The following PKD1L3 variants were observed in gnomAD, a reference collection of about 807,000 sequenced individuals.
PKD1L3 encodes the protein polycystin-1-like protein 3.
In PKD1L3, 239 loss-of-function variants were observed where a neutral mutation model predicts 184.1. The observed-to-expected ratio is 1.30, with a 90% CI of 1.17 to 1.45. PKD1L3 has a LOEUF of 1.45. PKD1L3 is among the 40% of genes most tolerant of loss of function. PKD1L3 has a pLI of 0.00. For synonymous variants in PKD1L3, 996 were observed against 778.8 expected, an observed-to-expected ratio of 1.28 and a Z score of -4.64; for missense variants, 2,660 against 2,067.2, an observed-to-expected ratio of 1.29 and a Z score of -5.56.
chr16:71,981,929 G>T, intron 7 of PKD1L3, 130 bp downstream of exon 7: 1 of 1,017,798 alleles, frequency 9.8e-7, no homozygotes. Flanking sequence ...GCATGGCAGA[G>T]GAGTTTCTTC....
chr16:71,959,592 G>C (rs2039192294), intron 16 of PKD1L3, among the ~76,000 whole-genome samples: 1 of 152,158 alleles, frequency 6.6e-6, no homozygotes, highest in Non-Finnish European at 1.5e-5. Context: ...CATGGGAATT[G>C]GGAGAGAGGT....
chr16:71,972,244 C>A (rs1392502504), intron 12 of PKD1L3, among the ~76,000 whole-genome samples: 1 of 149,526 alleles, frequency 6.7e-6, no homozygotes, highest in African/African-American at 2.5e-5. Flanking sequence ...CAAAAAAAAA[C>A]AATAATTAGC....
chr16:71,929,709 A>T, intron 29 of PKD1L3, 31 bp from the exon 30 acceptor site: 1 of 1,502,498 alleles, frequency 6.7e-7, no homozygotes, highest in Non-Finnish European at 8.9e-7. Flanking sequence ...GAGAAAAGTG[A>T]GAAAATTGAA....
intron 16 of PKD1L3, among the ~76,000 whole-genome samples, chr16:71,959,268 G>C (rs1181065988): frequency 6.6e-6 from 1 of 151,808 alleles, no homozygotes; most frequent in African/African-American, 2.4e-5. Context: ...AAATTAGTCG[G>C]GCATGGTGGC....
rs111911951 is a variant in PKD1L3, at chr16:71,975,741, T to TAA, written c.1759+1493_1759+1494dup. Among the ~76,000 whole-genome samples the TAA allele has an allele frequency of 8.6e-5, 13 of 151,490 alleles. 1 individual carries two copies. Among genetic ancestry groups the TAA allele is most frequent in the African/African-American group, 1.7e-4 (7 of 41,336 alleles). ...CCTTATCCATCCTATAATCCATCTT[T>TAA]AAAAAAAAATGATTTTATGGTCACG... On this transcript the variant is annotated intron_variant, in intron 11 of 29. Coordinates refer to ENST00000620267, the MANE Select transcript of PKD1L3 (RefSeq NM_181536.2).
chr16:71,931,463 C>CTTT lies in PKD1L3; in HGVS notation c.4927-1283_4927-1281dup, dbSNP rs11405919. 1.3e-3 allele frequency among the ~76,000 whole-genome samples: 150 copies of CTTT among 115,874 alleles called. 2 individuals carry two copies. Among genetic ancestry groups the CTTT allele is most frequent in the South Asian group, 3.2e-3 (10 of 3,098 alleles). 76.0% of individuals were successfully genotyped at this position (115,874 alleles called of 152,430 possible). On this transcript the variant is annotated intron_variant, in intron 28 of 29. Transcript: ENST00000620267. ...GGTTAAGAAAGTGTCTTCTCCCCCA[C>CTTT]TTTTTTTTTTTTTTTTTTTTTTTGA...
In PKD1L3 at chr16:71,993,228, T is replaced by A; in HGVS notation, c.523A>T (p.Lys175Ter). 3 of 1,546,988 alleles carry A rather than the reference T, an allele frequency of 1.9e-6. No homozygotes were observed. The highest frequency in any genetic ancestry group is 2.6e-6 in the Non-Finnish European group (3 of 1,144,192). Residue 175 changes from lysine to a stop codon, truncating the protein, a stop_gained, in exon 3 of 30, where the codon AAA becomes TAA. Coordinates refer to ENST00000620267, the MANE Select transcript of PKD1L3 (RefSeq NM_181536.2). LOFTEE classifies it high-confidence loss of function. ...TKRGVAIARD[K>*]MPPGPGHLPT... is the part of the protein sequence containing the mutation. Reference sequence around the variant, plus strand: ...AGTAACGCATTACCTGGGGGCATTTTGTCTCTTGCTATTGCAACTCCTCTT... The same window carrying A: ...AGTAACGCATTACCTGGGGGCATTTAGTCTCTTGCTATTGCAACTCCTCTT...
rs2040906100 is a variant in PKD1L3 at position 71,999,752 on chromosome 16, T to C, written c.227A>G (p.Glu76Gly). The C allele has an allele frequency of 1.9e-6, 3 of 1,551,772 alleles. No individual in the cohort carries two copies. The highest frequency in any genetic ancestry group is 2.6e-6 in the Non-Finnish European group (3 of 1,146,954). The stretch of plus-strand genomic sequence containing the variant: ...TTGCCCAATCCACCACTTCTTTCCT[T>C]CTTCCAGATAGTCCCGGATGAGATC... ...VQDLIRDYLE[E>G]GKKWWIGQNV... The change falls in exon 1 of 30, where the codon GAA (glutamate) becomes GGA (glycine). Residue 76 changes from glutamate to glycine, a missense_variant. Coordinates refer to ENST00000620267, the MANE Select transcript of PKD1L3 (RefSeq NM_181536.2).
At position 71,954,086 on chromosome 16, in the gene PKD1L3, C is replaced by T. The variant is rs1399292509; in HGVS notation, c.2809+19G>A. On this transcript the variant is annotated intron_variant, in intron 17 of 29. Transcript: ENST00000620267. ...AGGATTGCTTACTACAAACAACACA[C>T]ATCAGGGCTCATCCATACTTTGCTC... is the stretch of plus-strand genomic sequence containing the variant. 1 of 1,504,190 alleles carries T rather than the reference C, an allele frequency of 6.6e-7. No individual in the cohort carries two copies. The highest frequency in any genetic ancestry group is 2.5e-5 in the East Asian group (1 of 39,236). The allele number at this position is 1,504,190 out of a possible 1,614,324, so 93.2% of individuals were successfully genotyped here. A position where few individuals can be genotyped will look rare whatever the true frequency, so the allele number is the denominator to read the frequency against.
chr16:71,942,556 T>G lies in PKD1L3; in HGVS notation c.4324+4A>C, dbSNP rs2038397077. On this transcript the variant is annotated splice_donor_region_variant and intron_variant, in intron 24 of 29. Transcript: ENST00000620267. Reference sequence around the variant, plus strand: ...GGTTGAATTCCAGGGGTCACTCCAGTTACCTCTCATGATGTAACTGAATCC... The same window carrying G: ...GGTTGAATTCCAGGGGTCACTCCAGGTACCTCTCATGATGTAACTGAATCC... 1 of 1,548,674 alleles carries G rather than the reference T, an allele frequency of 6.5e-7. No individual in the cohort carries two copies. The highest frequency in any genetic ancestry group is 2.0e-5 in the Admixed American group (1 of 50,914).
chr16:71,941,352 A>C (rs764107296), intron 24 of PKD1L3, among the ~76,000 whole-genome samples: 3 of 152,078 alleles, frequency 2.0e-5, no homozygotes, highest in Non-Finnish European at 4.4e-5. Flanking sequence ...ATAGAAAGAA[A>C]AAATAGTTTA....
intron 4 of PKD1L3, among the ~76,000 whole-genome samples, chr16:71,988,257 C>T (rs35338546): frequency 0.22 from 33,213 of 152,054 alleles, 4,214 homozygotes; most frequent in South Asian, 0.42. Context: ...TTCAGCGGTG[C>T]GATCTTGGCT....
At chr16:71,981,956 G>A in intron 7 of PKD1L3, 103 bp downstream of exon 7, 1 of 1,250,830 alleles carries the variant, frequency 8.0e-7, no homozygotes, top group Non-Finnish European at 1.1e-6. Context: ...AGAAACTTCA[G>A]CAAGATTATC....
chr16:71,986,307 C>G lies in PKD1L3; in HGVS notation c.748G>C (p.Glu250Gln). The G allele has an allele frequency of 6.4e-7, 1 of 1,552,144 alleles. No homozygotes were observed. Among genetic ancestry groups the G allele is most frequent in the Non-Finnish European group, 8.7e-7 (1 of 1,147,104 alleles). ...TCTTCCTTTGGGCTTGAAGTTGTTT[C>G]TGCCAGAGATTGCCCAGCATGCGTG... The part of the protein sequence containing the change: ...SVTHAGQSLA[E>Q]TTSSPKEEGH... Residue 250 changes from glutamate (E) to glutamine (Q), a missense_variant, in exon 5 of 30, where the codon GAA becomes CAA. Coordinates refer to ENST00000620267, the MANE Select transcript of PKD1L3 (RefSeq NM_181536.2).
chr16:71,961,659 C>T (rs4462592), intron 16 of PKD1L3, among the ~76,000 whole-genome samples: 38,454 of 151,784 alleles, frequency 0.25, 5,718 homozygotes, highest in East Asian at 0.65. Context: ...GGAAATCTAA[C>T]ACAGAGGAGC....
chr16:71,961,762 G>A (rs1404676870), intron 16 of PKD1L3, among the ~76,000 whole-genome samples: 1 of 152,122 alleles, frequency 6.6e-6, no homozygotes, highest in Non-Finnish European at 1.5e-5. Context: ...CACAAAACCA[G>A]GAGAAAAGTA....
At chr16:71,983,109 G>C (rs375820419) in intron 6 of PKD1L3, among the ~76,000 whole-genome samples, 5 of 151,962 alleles carry the variant, frequency 3.3e-5, no homozygotes, top group Admixed American at 6.6e-5. Flanking sequence ...AATACCATCA[G>C]ACTAAAAAAA....
chr16:71,952,195 ATTTTTTTTT>A (rs34849069), intron 18 of PKD1L3, among the ~76,000 whole-genome samples: 4 of 50,820 alleles, frequency 7.9e-5, no homozygotes, highest in Admixed American at 3.4e-4. Context: ...GGAGCATGTC[ATTTTTTTTT>A]TTTTTTTTTT....
intron 16 of PKD1L3, 115 bp from the exon 17 acceptor site, chr16:71,954,416 A>G (rs2038969485): frequency 1.5e-6 from 1 of 675,082 alleles, no homozygotes. Context: ...CCTCTATTCA[A>G]CACCTCTGTG....
Sources: allele counts gnomAD v4.1 joint callset (sites outside exome capture counted in the v4.1 genomes callset), GRCh38; gene constraint gnomAD v4.1.1; transcripts MANE v1.5; gene names NCBI Gene and HGNC (gene_info 2026-07-23, HGNC 2026-07-21).